Variants in KIF16B observed in about 807,000 individuals in gnomAD.
KIF16B encodes kinesin-like protein KIF16B.
A neutral mutation model predicts 156.3 loss-of-function variants in KIF16B; 98 were observed. That is an observed-to-expected ratio of 0.63 (90% CI 0.53 to 0.74). The LOEUF (loss-of-function observed/expected upper bound fraction) is 0.74. Ranked by LOEUF, KIF16B falls within the 30% of genes least tolerant of loss-of-function variation. The probability of loss-of-function intolerance (pLI) is 0.00; values close to 1 mark genes in which losing one functional copy is unlikely to be tolerated. For missense variants in KIF16B, 1,421 were observed against 1,606.5 expected (o/e 0.88, Z 1.97); for synonymous variants, 564 against 583.7 (o/e 0.97, Z 0.49).
chr20:16,476,040 A>G (rs1268448966), intron 12 of KIF16B, among the ~76,000 whole-genome samples: 1 of 152,218 alleles, frequency 6.6e-6, no homozygotes, highest in Non-Finnish European at 1.5e-5. Context: ...ATCAGCAACC[A>G]GGCCCAATTC....
chr20:16,535,139 C>A (rs2147194135), intron 1 of KIF16B, among the ~76,000 whole-genome samples: 1 of 152,222 alleles, frequency 6.6e-6, no homozygotes, highest in South Asian at 2.1e-4. Flanking sequence ...CATGAGATGT[C>A]TTTCCACCTG....
chr20:16,553,011 C>G (rs1472202850), intron 1 of KIF16B, among the ~76,000 whole-genome samples: 1 of 152,062 alleles, frequency 6.6e-6, no homozygotes, highest in Non-Finnish European at 1.5e-5. Flanking sequence ...AGTGATCCAC[C>G]CACCTCGGCC....
intron 1 of KIF16B, among the ~76,000 whole-genome samples, chr20:16,537,269 A>T (rs1357770574): frequency 1.3e-5 from 2 of 152,088 alleles, no homozygotes; most frequent in East Asian, 1.9e-4. Flanking sequence ...CCAGCACTAT[A>T]TCCTGCCCCA....
At chr20:16,516,007 T>C (rs2069132425) in intron 3 of KIF16B, among the ~76,000 whole-genome samples, 1 of 152,164 alleles carries the variant, frequency 6.6e-6, no homozygotes, top group Non-Finnish European at 1.5e-5. Flanking sequence ...ATTATATAAA[T>C]ATATAAAGCT....
intron 12 of KIF16B, among the ~76,000 whole-genome samples, chr20:16,467,283 T>C (rs1343672137): frequency 1.3e-5 from 2 of 152,134 alleles, no homozygotes; most frequent in African/African-American, 2.4e-5. Context: ...CATAGGACTA[T>C]AGAACACTTC....
At chr20:16,547,350 C>T (rs1213532511) in intron 1 of KIF16B, among the ~76,000 whole-genome samples, 1 of 152,204 alleles carries the variant, frequency 6.6e-6, no homozygotes, top group African/African-American at 2.4e-5. Context: ...AGATGGCCCA[C>T]AATCACCCCA....
chr20:16,329,857 C>T (rs2063918305), intron 24 of KIF16B, among the ~76,000 whole-genome samples: 1 of 152,172 alleles, frequency 6.6e-6, no homozygotes, highest in Non-Finnish European at 1.5e-5. Context: ...CTGAGTAATG[C>T]AGCACCTCCA....
chr20:16,333,195 C>T (rs569347650), intron 24 of KIF16B, among the ~76,000 whole-genome samples: 1 of 152,266 alleles, frequency 6.6e-6, no homozygotes, highest in South Asian at 2.1e-4. Flanking sequence ...TTTGCACTTG[C>T]TCTTCCCGTG....
chr20:16,280,973 T>C (rs185653078), intron 25 of KIF16B, among the ~76,000 whole-genome samples: 3 of 152,228 alleles, frequency 2.0e-5, no homozygotes, highest in East Asian at 1.9e-4. Context: ...ATCAGGGAGA[T>C]AAAATTGTGA....
intron 23 of KIF16B, 116 bp downstream of exon 23, chr20:16,356,214 T>G (rs2064438515): frequency 1.5e-6 from 2 of 1,344,858 alleles, no homozygotes; most frequent in African/African-American, 1.5e-5. Flanking sequence ...AGACCAAATA[T>G]TTTACAAACA....
chr20:16,505,867 G>A lies in KIF16B; in HGVS notation c.869-14C>T, dbSNP rs752855876. The A allele has an allele frequency of 6.2e-6, 10 of 1,612,722 alleles. No individual in the cohort carries two copies. The highest frequency in any genetic ancestry group is 1.7e-4 in the Middle Eastern group (1 of 6,048). On this transcript the variant is annotated splice_polypyrimidine_tract_variant and intron_variant, in intron 8 of 25. Coordinates refer to ENST00000354981, the MANE Select transcript of KIF16B (RefSeq NM_024704.5). ...GAGATAAATCAGCTATGAAAAGGAA[G>A]AAACAAAGGGGAGAAAGGACAATTA...
intron 25 of KIF16B, among the ~76,000 whole-genome samples, chr20:16,295,175 C>T (rs1284956767): frequency 6.6e-6 from 1 of 152,136 alleles, no homozygotes; most frequent in African/African-American, 2.4e-5. Context: ...AAGAGCAGCC[C>T]ATAAGCTCCC....
chr20:16,358,097 G>A (rs1194414427), intron 22 of KIF16B, among the ~76,000 whole-genome samples: 1 of 152,118 alleles, frequency 6.6e-6, no homozygotes, highest in African/African-American at 2.4e-5. Flanking sequence ...GCTGAGGCAG[G>A]AGAATCACTC....
At chr20:16,484,593 T>C (rs2068066104) in intron 12 of KIF16B, among the ~76,000 whole-genome samples, 1 of 152,188 alleles carries the variant, frequency 6.6e-6, no homozygotes, top group Non-Finnish European at 1.5e-5. Context: ...TCTCTTGTTT[T>C]AAGAACAAGG....
chr20:16,312,269 C>A lies in KIF16B; in HGVS notation c.3795+66G>T. 4 of 1,188,304 alleles carry A rather than the reference C, an allele frequency of 3.4e-6. No individual in the cohort carries two copies. The Admixed American group carries it at 7.3e-5, about 22-fold the overall frequency. 73.6% of individuals were successfully genotyped at this position (1,188,304 alleles called of 1,614,324 possible). ...GAAATTTAATAGTATTTAACAGAAA[C>A]AATTCTTACCGGTCAGATGGTACAT... On this transcript the variant is annotated intron_variant, in intron 25 of 25. Transcript: ENST00000354981.
chr20:16,512,423 A>G (rs2068985701), intron 5 of KIF16B, among the ~76,000 whole-genome samples: 1 of 152,170 alleles, frequency 6.6e-6, no homozygotes, highest in Admixed American at 6.5e-5. Context: ...AGGAGGAAAA[A>G]GCACCTCAAC....
chr20:16,390,113 C>A (rs535339928), intron 17 of KIF16B, among the ~76,000 whole-genome samples: 1 of 152,116 alleles, frequency 6.6e-6, no homozygotes, highest in Non-Finnish European at 1.5e-5. Context: ...CTTAAGTAAA[C>A]GTCAGAGTTT....
chr20:16,380,329 T>C, intron 18 of KIF16B, among the ~76,000 whole-genome samples, 166 bp from the exon 19 acceptor site: 1 of 152,214 alleles, frequency 6.6e-6, no homozygotes, highest in East Asian at 1.9e-4. Context: ...GCATCCTGTT[T>C]AATTTTTTTT....
At chr20:16,390,307 G>A (rs1008552709) in intron 17 of KIF16B, among the ~76,000 whole-genome samples, 35 of 152,138 alleles carry the variant, frequency 2.3e-4, no homozygotes, top group African/African-American at 8.2e-4. Context: ...GATATCATAA[G>A]CATTTTCACT....
Sources: gnomAD v4.1 joint callset for allele counts (sites outside exome capture counted in the v4.1 genomes callset) on GRCh38, gnomAD v4.1.1 for gene constraint, MANE v1.5 for transcripts, NCBI Gene and HGNC (gene_info 2026-07-23, HGNC 2026-07-21) for gene names.